Variants in TENM4 observed in about 807,000 individuals in gnomAD.
TENM4 encodes the protein teneurin transmembrane protein 4.
A neutral mutation model predicts 243.3 loss-of-function variants in TENM4; 82 were observed. The observed-to-expected ratio is 0.34, with a 90% CI of 0.28 to 0.40. The LOEUF is 0.40. TENM4 is among the 10% of genes least tolerant of loss of function. TENM4 has a pLI of 1.00. For missense variants in TENM4, 3,138 were observed against 3,673.3 expected, an observed-to-expected ratio of 0.85 and a Z score of 3.77; for synonymous variants, 1,412 against 1,456.3, an observed-to-expected ratio of 0.97 and a Z score of 0.69.
chr11:78,999,901 C>G (rs1858271126), intron 6 of TENM4, among the ~76,000 whole-genome samples: 1 of 151,812 alleles, frequency 6.6e-6, no homozygotes, highest in African/African-American at 2.4e-5. Context: ...AAACATTAAT[C>G]TATATATCCA....
At chr11:79,401,182 C>T (rs1169966140) in intron 1 of TENM4, among the ~76,000 whole-genome samples, 2 of 152,124 alleles carry the variant, frequency 1.3e-5, no homozygotes, top group African/African-American at 4.8e-5. Context: ...TGTTTTCCTG[C>T]CTCCTTCCCT....
chr11:79,157,842 A>G (rs1862655830), intron 3 of TENM4, among the ~76,000 whole-genome samples: 1 of 152,104 alleles, frequency 6.6e-6, no homozygotes, highest in South Asian at 2.1e-4. Flanking sequence ...TGGACAGTGT[A>G]TTTTTACCAT....
intron 4 of TENM4, among the ~76,000 whole-genome samples, chr11:79,122,310 G>T (rs1019866232): frequency 1.3e-5 from 2 of 152,140 alleles, no homozygotes; most frequent in East Asian, 1.9e-4. Context: ...ATATTTGTCG[G>T]GCACTGTTAC....
intron 1 of TENM4, among the ~76,000 whole-genome samples, chr11:79,407,103 T>A (rs751652561): frequency 9.9e-5 from 15 of 152,162 alleles, no homozygotes; most frequent in Non-Finnish European, 1.9e-4. Context: ...ATTCACTCAA[T>A]TCATTGCTCC....
intron 15 of TENM4, among the ~76,000 whole-genome samples, chr11:78,803,186 C>T (rs986851444): frequency 5.3e-5 from 8 of 151,994 alleles, no homozygotes; most frequent in Non-Finnish European, 1.2e-4. Context: ...CTTGTCATTG[C>T]GCCCGGCTAA....
At chr11:79,299,985 A>T (rs1856524502) in intron 1 of TENM4, among the ~76,000 whole-genome samples, 1 of 152,202 alleles carries the variant, frequency 6.6e-6, no homozygotes. Context: ...AAACAGGAAC[A>T]CAAATGGACC....
chr11:79,417,248 A>G (rs1341934501), intron 1 of TENM4, among the ~76,000 whole-genome samples: 1 of 152,178 alleles, frequency 6.6e-6, no homozygotes, highest in African/African-American at 2.4e-5. Flanking sequence ...TAGCCCAGAG[A>G]CTAAGTCCTG....
Position 79,071,612 on chromosome 11 carries a change from C to A in TENM4, c.-65-1603G>T, listed in dbSNP as rs555107685. 7.2e-5 allele frequency among the ~76,000 whole-genome samples: 11 copies of A among 152,296 alleles called. No homozygotes were observed. In the South Asian group the frequency reaches 1.7e-3, roughly 23 times the overall value. On this transcript the variant is annotated intron_variant, in intron 4 of 33. Transcript: ENST00000278550. Reference sequence around the variant, plus strand: ...TACTTTGCAGGCCAAACAAAAGAGACTTCTGAGTTGAATTTGCTCTGAGGC... The same window carrying A: ...TACTTTGCAGGCCAAACAAAAGAGAATTCTGAGTTGAATTTGCTCTGAGGC...
At chr11:78,951,220 A>C (rs965545444) in intron 6 of TENM4, among the ~76,000 whole-genome samples, 1 of 152,226 alleles carries the variant, frequency 6.6e-6, no homozygotes, top group African/African-American at 2.4e-5. Flanking sequence ...TGCTTCCTTC[A>C]TGTGTGCCCA....
Position 78,932,799 on chromosome 11 carries a change from C to T in TENM4, c.494-29276G>A, listed in dbSNP as rs138139319. On this transcript the variant is annotated intron_variant, in intron 6 of 33. Coordinates refer to ENST00000278550, the MANE Select transcript of TENM4 (RefSeq NM_001098816.3). ...GCATGCAACACAGATCCCTCGCATGCGCAGTTCAAAATAGGGTTCGAGTTC... is the reference window on the plus strand; with the variant it reads ...GCATGCAACACAGATCCCTCGCATGTGCAGTTCAAAATAGGGTTCGAGTTC... 2.9e-3 allele frequency among the ~76,000 whole-genome samples: 441 copies of T among 152,212 alleles called. 1 individual carries two copies. The highest frequency in any genetic ancestry group is 4.7e-3 in the Non-Finnish European group (320 of 68,024).
At chr11:79,156,288 A>G (rs564431427) in intron 3 of TENM4, among the ~76,000 whole-genome samples, 2 of 152,326 alleles carry the variant, frequency 1.3e-5, no homozygotes, top group South Asian at 4.1e-4. Flanking sequence ...CCCAGCACCA[A>G]TCAATAAGTC....
intron 6 of TENM4, among the ~76,000 whole-genome samples, chr11:78,939,412 G>A (rs1198699694): frequency 6.6e-6 from 1 of 152,236 alleles, no homozygotes; most frequent in Non-Finnish European, 1.5e-5. Context: ...TCACTGGGGA[G>A]GAAGGAACAT....
Position 78,917,684 on chromosome 11 carries a change from G to A in TENM4, c.494-14161C>T, listed in dbSNP as rs1268579879. Among the ~76,000 whole-genome samples, 5 of 152,158 alleles carry A rather than the reference G, an allele frequency of 3.3e-5. 1 individual carries two copies. The South Asian group carries it at 1.0e-3, about 32-fold the overall frequency. ...CCAATGATGGCCTCAAAATATTGAA[G>A]GCTTGCTGGGCTGCTAGTTAGTCTG... is the stretch of plus-strand genomic sequence containing the variant. On this transcript the variant is annotated intron_variant, in intron 6 of 33. Transcript: ENST00000278550.
In TENM4 at chr11:78,732,537, G is replaced by A. The variant is rs201737432; in HGVS notation, c.2917C>T (p.Arg973Trp). 25 of 1,610,878 alleles carry A rather than the reference G, an allele frequency of 1.6e-5. No homozygotes were observed. The highest frequency in any genetic ancestry group is 5.3e-5 in the African/African-American group (4 of 74,984). Residue 973 changes from arginine to tryptophan, a missense_variant, in exon 21 of 34, where the codon CGG becomes TGG. Physicochemically the swap from Arg to Trp is moderately radical, Grantham distance 101. This residue lies in a region of TENM4 where 2,467 missense variants were observed against 3,059.1 expected (regional missense o/e 0.81). Transcript: ENST00000278550. The stretch of plus-strand genomic sequence containing the variant: ...GTGATGAAAGGTGCCCGCTCGAACC[G>A]CAGGATGATGGAGATGCCGCCATTT... ...VTNGGISIILRFERAPFITQE... is the reference protein window; with the variant it reads ...VTNGGISIILWFERAPFITQE...
intron 2 of TENM4, among the ~76,000 whole-genome samples, chr11:79,241,920 A>G (rs1380939274): frequency 6.6e-6 from 1 of 152,204 alleles, no homozygotes; most frequent in Non-Finnish European, 1.5e-5. Context: ...GGAATCCGGA[A>G]CAGAGAAGTA....
At chr11:78,898,495 T>C (rs1855846337) in intron 7 of TENM4, among the ~76,000 whole-genome samples, 1 of 152,204 alleles carries the variant, frequency 6.6e-6, no homozygotes, top group Non-Finnish European at 1.5e-5. Context: ...CCCATTCTGG[T>C]GGGGACTGGC....
At chr11:79,343,076 T>C (rs914290078) in intron 1 of TENM4, among the ~76,000 whole-genome samples, 3 of 152,254 alleles carry the variant, frequency 2.0e-5, no homozygotes, top group Non-Finnish European at 2.9e-5. Context: ...CAGCTCACCC[T>C]GAGCATCAGT....
chr11:79,009,324 C>T (rs11821929), intron 6 of TENM4, among the ~76,000 whole-genome samples: 39,287 of 151,940 alleles, frequency 0.26, 5,291 homozygotes, highest in South Asian at 0.36. Flanking sequence ...GTGGGGTACA[C>T]AGACTGGGCC....
chr11:78,864,433 C>CAAAAAAAAAAAAAAAAAAAAAAAAA (rs145489804), intron 9 of TENM4, among the ~76,000 whole-genome samples: 1 of 36,204 alleles, frequency 2.8e-5, no homozygotes, highest in African/African-American at 1.3e-4. Flanking sequence ...GACTCCGTCT[C>CAAAAAAAAAAAAAAAAAAAAAAAAA]AAAAAAAAAA....
Sources: allele counts gnomAD v4.1 joint callset (sites outside exome capture counted in the v4.1 genomes callset), GRCh38; gene constraint gnomAD v4.1.1; regional missense constraint gnomAD v4.1.1; transcripts MANE v1.5; gene names NCBI Gene and HGNC (gene_info 2026-07-23, HGNC 2026-07-21).